Variants in ERI3 observed in about 807,000 individuals in gnomAD.
ERI3 encodes ERI1 exoribonuclease family member 3.
Under a neutral mutation model 44.4 loss-of-function variants are expected in ERI3, and 18 were observed. The observed-to-expected ratio is 0.41, with a 90% confidence interval of 0.28 to 0.60. The LOEUF is 0.60. ERI3 is among the 20% of genes least tolerant of loss of function. The pLI is 0.36. For synonymous variants in ERI3, 183 were observed against 164.8 expected, an observed-to-expected ratio of 1.11 and a Z score of -0.84; for missense variants, 294 against 435.5, an observed-to-expected ratio of 0.68 and a Z score of 2.89.
At chr1:44,225,505 T>C (rs952368428) in intron 8 of ERI3, among the ~76,000 whole-genome samples, 1 of 152,204 alleles carries the variant, frequency 6.6e-6, no homozygotes, top group East Asian at 1.9e-4. Flanking sequence ...TTTTGGGGCA[T>C]TAATATTCTC....
chr1:44,266,567 T>C (rs1274906293), intron 7 of ERI3, among the ~76,000 whole-genome samples: 1 of 152,262 alleles, frequency 6.6e-6, no homozygotes, highest in Non-Finnish European at 1.5e-5. Flanking sequence ...CCTTAAGTCC[T>C]TCTCCCAATA....
In ERI3 at chr1:44,352,842, A is replaced by G; in HGVS notation, c.211+8T>C. 1 of 1,614,102 alleles carries G rather than the reference A, an allele frequency of 6.2e-7. No individual in the cohort carries two copies. Among genetic ancestry groups the G allele is most frequent in the Non-Finnish European group, 8.5e-7 (1 of 1,180,010 alleles). On this transcript the variant is annotated splice_region_variant and intron_variant, in intron 2 of 8. Coordinates refer to ENST00000372257, the MANE Select transcript of ERI3 (RefSeq NM_024066.3). The stretch of plus-strand genomic sequence containing the variant: ...AAGCCAGACTTGACCATGCAACAGG[A>G]TTCTCACCTCTCCTTACTTCGAAGA...
intron 7 of ERI3, among the ~76,000 whole-genome samples, chr1:44,272,352 T>C (rs1266879732): frequency 2.6e-5 from 4 of 151,886 alleles, no homozygotes; most frequent in Non-Finnish European, 5.9e-5. Flanking sequence ...AGCTAGTGAG[T>C]AGCAATATTA....
intron 7 of ERI3, among the ~76,000 whole-genome samples, chr1:44,264,546 G>A (rs1008454282): frequency 6.6e-6 from 1 of 152,230 alleles, no homozygotes; most frequent in Non-Finnish European, 1.5e-5. Context: ...CGCCAGGCTG[G>A]ACGGCGCGTG....
chr1:44,280,637 T>C (rs1645266447), intron 7 of ERI3, among the ~76,000 whole-genome samples: 1 of 152,196 alleles, frequency 6.6e-6, no homozygotes, highest in Non-Finnish European at 1.5e-5. Context: ...CCACCAAAAA[T>C]GCCAAACATA....
intron 6 of ERI3, among the ~76,000 whole-genome samples, chr1:44,299,396 T>G (rs1645677655): frequency 6.6e-6 from 1 of 152,106 alleles, no homozygotes; most frequent in Admixed American, 6.6e-5. Flanking sequence ...CCCTGCTACC[T>G]CAGGCTGGTC....
intron 6 of ERI3, among the ~76,000 whole-genome samples, chr1:44,297,525 T>A (rs1572214218): frequency 6.6e-6 from 1 of 152,072 alleles, no homozygotes; most frequent in Non-Finnish European, 1.5e-5. Context: ...TGGCAGGGCA[T>A]CTTTGCCTCT....
At chr1:44,224,614 C>T (rs1643990545) in intron 8 of ERI3, among the ~76,000 whole-genome samples, 2 of 152,210 alleles carry the variant, frequency 1.3e-5, no homozygotes, top group African/African-American at 4.8e-5. Context: ...GCTTGGAATG[C>T]CTCCTCTTTC....
intron 3 of ERI3, among the ~76,000 whole-genome samples, chr1:44,338,125 GA>G (rs1646572945): frequency 6.6e-6 from 1 of 152,112 alleles, no homozygotes; most frequent in African/African-American, 2.4e-5. Context: ...GGTGACTAAT[GA>G]AAAAAAGCAA....
intron 6 of ERI3, among the ~76,000 whole-genome samples, chr1:44,302,165 T>A (rs1645739859): frequency 6.6e-6 from 1 of 152,262 alleles, no homozygotes; most frequent in African/African-American, 2.4e-5. Flanking sequence ...ATGTCATCCA[T>A]GCTTCTTCCT....
Position 44,355,119 on chromosome 1 carries a change from T to C in ERI3, c.-93A>G, listed in dbSNP as rs1646973810. The C allele has an allele frequency of 6.5e-6, 8 of 1,237,956 alleles. No individual in the cohort carries two copies. The highest frequency in any genetic ancestry group is 1.6e-5 in the African/African-American group (1 of 64,046). 76.7% of individuals were successfully genotyped at this position (1,237,956 alleles called of 1,614,324 possible). On this transcript the variant is annotated 5_prime_UTR_variant, in exon 1 of 9. Coordinates refer to ENST00000372257, the MANE Select transcript of ERI3 (RefSeq NM_024066.3). ...GGCCTCAGCAAGCGCTCAGGGCAGT[T>C]GGCGGCGGCGGGCGCGGCCCGCGCC...
In ERI3 at chr1:44,353,609, G is replaced by T. The variant is rs1009645820; in HGVS notation, c.136-684C>A. On this transcript the variant is annotated intron_variant, in intron 1 of 8. Coordinates refer to ENST00000372257, the MANE Select transcript of ERI3 (RefSeq NM_024066.3). Reference sequence around the variant, plus strand: ...CTTCTACTCAGATCCCCTGGGAAAAGGCCACTCACCAATTTACCCCACCAC... The same window carrying T: ...CTTCTACTCAGATCCCCTGGGAAAATGCCACTCACCAATTTACCCCACCAC... 1.3e-5 allele frequency: 13 copies of T among 985,246 alleles called. No homozygotes were observed. The Admixed American group carries it at 8.0e-4, about 61-fold the overall frequency. 61.0% of individuals were successfully genotyped at this position (985,246 alleles called of 1,614,324 possible).
At chr1:44,257,326 C>T (rs941352140) in intron 7 of ERI3, among the ~76,000 whole-genome samples, 4 of 152,038 alleles carry the variant, frequency 2.6e-5, no homozygotes, top group Admixed American at 2.6e-4. Context: ...CAACCCACCC[C>T]CATCCTAGCT....
chr1:44,241,814 A>ACATG lies in ERI3; in HGVS notation c.931+6124_931+6125insCATG. 5.6e-6 allele frequency: 1 copy of ACATG among 179,208 alleles called. No homozygotes were observed. Among genetic ancestry groups the ACATG allele is most frequent in the Non-Finnish European group, 1.1e-5 (1 of 93,614 alleles). 11.1% of individuals were successfully genotyped at this position (179,208 alleles called of 1,614,324 possible). On this transcript the variant is annotated intron_variant, in intron 8 of 8. Transcript: ENST00000372257. The surrounding 1 kb of genome is among the most constrained non-coding windows in gnomAD (Gnocchi z 5.6). ...AATCAAACACACATAACACATACAT[A>ACATG]CATACATACATACATACATACATAC...
intron 8 of ERI3, among the ~76,000 whole-genome samples, chr1:44,230,795 C>T (rs1192184224): frequency 2.0e-5 from 3 of 152,222 alleles, no homozygotes; most frequent in African/African-American, 7.2e-5. Context: ...CCTTCTTTGA[C>T]TTTAGTACTA....
intron 6 of ERI3, among the ~76,000 whole-genome samples, chr1:44,293,927 G>A (rs905460282): frequency 6.6e-6 from 1 of 152,192 alleles, no homozygotes; most frequent in African/African-American, 2.4e-5. Flanking sequence ...CCAGGCCAGG[G>A]TGAACCCAGC....
intron 8 of ERI3, among the ~76,000 whole-genome samples, chr1:44,245,705 C>T (rs1644540852): frequency 6.6e-6 from 1 of 152,170 alleles, no homozygotes; most frequent in South Asian, 2.1e-4. Flanking sequence ...AACAGGTGAA[C>T]AGATAACAGG....
chr1:44,345,601 C>T (rs1000202485), intron 2 of ERI3, among the ~76,000 whole-genome samples: 3 of 152,142 alleles, frequency 2.0e-5, no homozygotes, highest in African/African-American at 7.2e-5. Flanking sequence ...GAAACAACAA[C>T]AAAAAACACA....
At chr1:44,342,264 G>A (rs918551863) in intron 2 of ERI3, among the ~76,000 whole-genome samples, 7 of 152,124 alleles carry the variant, frequency 4.6e-5, no homozygotes, top group Admixed American at 1.3e-4. Context: ...CATCCATGTC[G>A]GCTGGCAGTC....
Sources: gnomAD v4.1 joint callset for allele counts (sites outside exome capture counted in the v4.1 genomes callset) on GRCh38, gnomAD v4.1.1 for gene constraint, Gnocchi (gnomAD v3.1) non-coding constraint, MANE v1.5 for transcripts, NCBI Gene and HGNC (gene_info 2026-07-23, HGNC 2026-07-21) for gene names.